EHF: variants seen among roughly 807,000 people sequenced by gnomAD.
EHF encodes ETS homologous factor, also known as ESE3 transcription factor.
A neutral mutation model predicts 45.1 loss-of-function variants in EHF; 14 were observed. The ratio of observed to expected loss-of-function variants is 0.31; its 90% CI spans 0.21 to 0.49. The LOEUF is 0.49. EHF is among the 20% of genes least tolerant of loss of function. The pLI is 0.99. For missense variants in EHF, 282 were observed against 371.4 expected, an observed-to-expected ratio of 0.76 and a Z score of 1.98; for synonymous variants, 136 against 131.8, an observed-to-expected ratio of 1.03 and a Z score of -0.22.
chr11:34,621,407 G>C (rs372370531), intron 1 of EHF, among the ~76,000 whole-genome samples, 179 bp downstream of exon 1: 1 of 152,282 alleles, frequency 6.6e-6, no homozygotes, highest in African/African-American at 2.4e-5. Flanking sequence ...TTTTATTTTG[G>C]AGGGCAGGTT....
rs1376729586 is a variant in EHF, at chr11:34,634,927, G to C, written c.-3-7701G>C. Among the ~76,000 whole-genome samples, 4 of 152,216 alleles carry C rather than the reference G, an allele frequency of 2.6e-5. No individual in the cohort carries two copies. In the East Asian group the frequency reaches 7.7e-4, roughly 29 times the overall value. ...GCCCAGTTCCCAGGTTTTATTGCAA[G>C]ACAATCTGAGTTTGAATTCTCTTCC... On this transcript the variant is annotated intron_variant, in intron 1 of 8. Transcript: ENST00000257831.
At chr11:34,624,335 C>T (rs1852186613) in intron 1 of EHF, 4 of 985,260 alleles carry the variant, frequency 4.1e-6, no homozygotes, top group Non-Finnish European at 4.8e-6. Flanking sequence ...GGGTCTGCGG[C>T]GGGGATTGCC....
At chr11:34,638,487 T>G (rs1853667115) in intron 1 of EHF, among the ~76,000 whole-genome samples, 1 of 152,106 alleles carries the variant, frequency 6.6e-6, no homozygotes, top group South Asian at 2.1e-4. Flanking sequence ...CCAGGAAGGC[T>G]AAGGGACAGC....
intron 1 of EHF, 98 bp from the exon 2 acceptor site, chr11:34,642,530 C>T (rs1355449193): frequency 5.2e-6 from 4 of 774,694 alleles, no homozygotes; most frequent in Non-Finnish European, 6.6e-6. Context: ...AGGACAAATT[C>T]TCTTTATTTT....
Position 34,658,572 on chromosome 11 carries a change from T to C in EHF, c.647T>C (p.Ile216Thr). Residue 216 changes from isoleucine (I) to threonine (T), a missense_variant, in exon 8 of 9, where the codon ATC (isoleucine) becomes ACC (threonine). Ile to Thr is a moderately conservative substitution (Grantham distance 89). Around this residue, in one of 3 missense-constraint regions of EHF, gnomAD observed 41 missense variants for 87.0 expected, o/e 0.47. Transcript: ENST00000257831. ...CACTTATGGGAATTCATCCGCGACA[T>C]CCTCTTGAACCCAGACAAGAACCCA... is the stretch of plus-strand genomic sequence containing the variant. ...GTHLWEFIRD[I>T]LLNPDKNPGL... 1 of 1,613,528 alleles carries C rather than the reference T, an allele frequency of 6.2e-7. No individual in the cohort carries two copies. The highest frequency in any genetic ancestry group is 8.5e-7 in the Non-Finnish European group (1 of 1,179,660).
At chr11:34,643,370 C>T (rs1206996540) in intron 2 of EHF, among the ~76,000 whole-genome samples, 7 of 152,072 alleles carry the variant, frequency 4.6e-5, no homozygotes, top group Non-Finnish European at 5.9e-5. Flanking sequence ...GTTGCTGAAT[C>T]GGGAACCCCA....
rs149874101 is a variant in EHF, at chr11:34,651,570, C to A, written c.435C>A (p.Asp145Glu). ...TEPSIMNTWKDENYLYDTNYG... is the reference protein window; with the variant it reads ...TEPSIMNTWKEENYLYDTNYG... ...CTTCCATCATGAACACCTGGAAAGA[C>A]GAGAACTATTTATATGACACCAACT... The change falls in exon 5 of 9, where the codon GAC (aspartate) becomes GAA (glutamate). Residue 145 changes from aspartate to glutamate, a missense_variant. Around this residue, in one of 3 missense-constraint regions of EHF, gnomAD observed 213 missense variants for 247.3 expected, o/e 0.86. Coordinates refer to ENST00000257831, the MANE Select transcript of EHF (RefSeq NM_012153.6). 3 of 1,613,772 alleles carry A rather than the reference C, an allele frequency of 1.9e-6. No homozygotes were observed. The African/African-American group carries it at 4.0e-5, about 22-fold the overall frequency.
At chr11:34,632,455 C>A in intron 1 of EHF, 1 of 1,492,640 alleles carries the variant, frequency 6.7e-7, no homozygotes, top group Non-Finnish European at 8.9e-7. Flanking sequence ...GACATTCAGC[C>A]ATCCAGACAA....
intron 7 of EHF, among the ~76,000 whole-genome samples, chr11:34,658,200 T>C (rs1387501441): frequency 1.3e-5 from 2 of 152,270 alleles, no homozygotes; most frequent in African/African-American, 2.4e-5. Flanking sequence ...AATTTGTGGA[T>C]AATAACTAGA....
chr11:34,624,162 C>A, intron 1 of EHF: 2 of 457,748 alleles, frequency 4.4e-6, no homozygotes, highest in Non-Finnish European at 5.8e-6. Context: ...GTTAAGATCG[C>A]TCTCTGGTAG....
At chr11:34,646,788 G>A in intron 3 of EHF, 104 bp downstream of exon 3, 1 of 1,432,484 alleles carries the variant, frequency 7.0e-7, no homozygotes, top group South Asian at 1.2e-5. Context: ...AGAAAGAGTG[G>A]TCTCACCTCC....
chr11:34,632,243 C>T (rs1175593957), intron 1 of EHF, among the ~76,000 whole-genome samples: 1 of 152,120 alleles, frequency 6.6e-6, no homozygotes, highest in Non-Finnish European at 1.5e-5. Context: ...GCGTTGTTAT[C>T]GGAGCAGAGC....
intron 1 of EHF, among the ~76,000 whole-genome samples, chr11:34,636,735 A>G (rs1369866360): frequency 6.6e-6 from 1 of 152,110 alleles, no homozygotes; most frequent in Non-Finnish European, 1.5e-5. Flanking sequence ...GCTTCCCTCA[A>G]GACATGTGGC....
chr11:34,652,153 T>C (rs1855234272), intron 6 of EHF, among the ~76,000 whole-genome samples: 1 of 152,250 alleles, frequency 6.6e-6, no homozygotes, highest in African/African-American at 2.4e-5. Flanking sequence ...TAAGGCTATA[T>C]TTAATTTTCA....
At chr11:34,651,827 G>A (rs748096298) in intron 6 of EHF, 22 bp downstream of exon 6, 1 of 1,608,772 alleles carries the variant, frequency 6.2e-7, no homozygotes, top group Non-Finnish European at 8.5e-7. Context: ...TCACATCTGA[G>A]GCTGGGTATG....
intron 2 of EHF, among the ~76,000 whole-genome samples, chr11:34,645,441 T>C (rs1446556495): frequency 6.6e-6 from 1 of 152,204 alleles, no homozygotes; most frequent in African/African-American, 2.4e-5. Flanking sequence ...GCATCTACTA[T>C]GACAAAGTCT....
At chr11:34,648,941 C>T in intron 3 of EHF, 78 bp from the exon 4 acceptor site, 3 of 1,369,368 alleles carry the variant, frequency 2.2e-6, no homozygotes, top group Non-Finnish European at 1.0e-6. Context: ...TGCAAAGATG[C>T]CAGTTCTGTC....
chr11:34,632,278 CT>C (rs754740822), intron 1 of EHF, among the ~76,000 whole-genome samples: 1 of 152,198 alleles, frequency 6.6e-6, no homozygotes, highest in Non-Finnish European at 1.5e-5. Context: ...AATAACTCTG[CT>C]GCCAACTCAA....
At chr11:34,623,349 G>C (rs556465527) in intron 1 of EHF, among the ~76,000 whole-genome samples, 1 of 152,260 alleles carries the variant, frequency 6.6e-6, no homozygotes, top group East Asian at 1.9e-4. Flanking sequence ...GCCTCCCAAA[G>C]TGCTGGGATT....
Sources: allele counts gnomAD v4.1 joint callset (sites outside exome capture counted in the v4.1 genomes callset), GRCh38; gene constraint gnomAD v4.1.1; regional missense constraint gnomAD v4.1.1; transcripts MANE v1.5; gene names NCBI Gene and HGNC (gene_info 2026-07-23, HGNC 2026-07-21).